Variants in ZCCHC14 observed in about 807,000 individuals in gnomAD.
The protein encoded by ZCCHC14 is zinc finger CCHC-type containing 14, also known as zinc finger CCHC domain-containing protein 14.
In ZCCHC14, 16 loss-of-function variants were observed where a neutral mutation model predicts 85.0. That is an observed-to-expected ratio of 0.19 (90% confidence interval 0.13 to 0.29). The LOEUF is 0.29. Ranked by LOEUF, ZCCHC14 falls within the 10% of genes least tolerant of loss-of-function variation. The probability of loss-of-function intolerance (pLI) is 1.00; values close to 1 mark genes in which losing one functional copy is unlikely to be tolerated. For synonymous variants in ZCCHC14, 775 were observed against 630.7 expected (o/e 1.23, Z -3.43); for missense variants, 1,303 against 1,443.5 (o/e 0.90, Z 1.58).
intron 8 of ZCCHC14, among the ~76,000 whole-genome samples, chr16:87,416,004 G>T (rs562482724): frequency 2.7e-4 from 41 of 152,200 alleles, no homozygotes; most frequent in Non-Finnish European, 4.3e-4. Flanking sequence ...TCGGCTCACT[G>T]CAACCTCCAC....
At chr16:87,463,206 A>AC (rs753791054) in intron 1 of ZCCHC14, among the ~76,000 whole-genome samples, 30 of 152,188 alleles carry the variant, frequency 2.0e-4, no homozygotes, top group South Asian at 8.3e-4. Flanking sequence ...ACATATTGAG[A>AC]CCCCCATCTC....
At position 87,411,820 on chromosome 16, in the gene ZCCHC14, C is replaced by T; in HGVS notation, c.2901G>A (p.Met967Ile). 6.2e-7 allele frequency: 1 copy of T among 1,611,600 alleles called. No homozygotes were observed. Among genetic ancestry groups the T allele is most frequent in the Non-Finnish European group, 8.5e-7 (1 of 1,179,118 alleles). ...FTFPFLPFSPMCSSGYVSAQQ... is the reference protein window; with the variant it reads ...FTFPFLPFSPICSSGYVSAQQ... ...GGGCGCTGACGTAGCCGCTGCTGCACATGGGACTGAAGGGCAAGAAGGGGA... is the reference window on the plus strand; with the variant it reads ...GGGCGCTGACGTAGCCGCTGCTGCATATGGGACTGAAGGGCAAGAAGGGGA... The change falls in exon 12 of 13, where the codon ATG (methionine) becomes ATA (isoleucine). Residue 967 changes from methionine to isoleucine, a missense_variant. By Grantham distance (10) the Met-to-Ile change is conservative (BLOSUM62 1). Transcript: ENST00000671377.
At chr16:87,437,337 CAAAAAAAAAAAAAAAA>C (rs34871367) in intron 2 of ZCCHC14, among the ~76,000 whole-genome samples, 2 of 57,762 alleles carry the variant, frequency 3.5e-5, no homozygotes, top group Admixed American at 2.2e-4. Context: ...AATTCCATCT[CAAAAAAAAAAAAAAAA>C]AAAAAAAAAA....
chr16:87,491,750 G>A lies in ZCCHC14; in HGVS notation c.489C>T (p.Ser163=), dbSNP rs757653796. The change falls in exon 1 of 13, where the codon AGC becomes AGT. Residue 163 remains serine, a synonymous_variant. Coordinates refer to ENST00000671377, the MANE Select transcript of ZCCHC14 (RefSeq NM_015144.3). The surrounding 1 kb of genome is among the most constrained non-coding windows in gnomAD (Gnocchi z 5.9). The part of the protein sequence containing the change: ...LRQELTQIQS[S]LNGGGGHGGK... The stretch of plus-strand genomic sequence containing the variant: ...CGCCGTGGCCCCCGCCGCCGTTCAG[G>A]CTGCTCTGGATCTGCGTGAGCTCCT... 8 of 1,582,426 alleles carry A rather than the reference G, an allele frequency of 5.1e-6. No homozygotes were observed. Among genetic ancestry groups the A allele is most frequent in the South Asian group, 2.3e-5 (2 of 87,330 alleles).
chr16:87,491,591 G>C lies in ZCCHC14; in HGVS notation c.570+78C>G, dbSNP rs1873235353. The C allele has an allele frequency of 7.7e-7, 1 of 1,290,712 alleles. No homozygotes were observed. The allele number at this position is 1,290,712 out of a possible 1,614,324, so 80.0% of individuals were successfully genotyped here. A position where few individuals can be genotyped will look rare whatever the true frequency, so the allele number is the denominator to read the frequency against. On this transcript the variant is annotated intron_variant, in intron 1 of 12. Coordinates refer to ENST00000671377, the MANE Select transcript of ZCCHC14 (RefSeq NM_015144.3). The surrounding 1 kb of genome is among the most constrained non-coding windows in gnomAD (Gnocchi z 5.9). ...TGGAGGCGTGGGTCGGGGGGTCGCGGTGCAGGCTGGAGGCTTGGAGTGCAG... is the reference window on the plus strand; with the variant it reads ...TGGAGGCGTGGGTCGGGGGGTCGCGCTGCAGGCTGGAGGCTTGGAGTGCAG...
chr16:87,417,347 C>T, intron 8 of ZCCHC14, 113 bp downstream of exon 8: 1 of 1,474,224 alleles, frequency 6.8e-7, no homozygotes, highest in Non-Finnish European at 9.2e-7. Context: ...GGCGCTGCGC[C>T]TCGGCCTCCG....
At chr16:87,433,040 G>A (rs1163974393) in intron 3 of ZCCHC14, 88 bp downstream of exon 3, 3 of 1,372,498 alleles carry the variant, frequency 2.2e-6, no homozygotes, top group Admixed American at 1.9e-5. Context: ...ACAAGGCACA[G>A]CCTTAGCTAG....
intron 2 of ZCCHC14, among the ~76,000 whole-genome samples, chr16:87,453,446 TCCC>T (rs1048232656): frequency 2.6e-5 from 4 of 152,154 alleles, no homozygotes; most frequent in African/African-American, 9.7e-5. Flanking sequence ...CCCTGTCAGT[TCCC>T]CCGTCAGTGC....
intron 1 of ZCCHC14, chr16:87,467,589 A>C: frequency 7.2e-7 from 1 of 1,398,086 alleles, no homozygotes; most frequent in South Asian, 1.2e-5. Flanking sequence ...AAATTGGAAT[A>C]GGTGTCAAGG....
chr16:87,472,892 T>C (rs939631064), intron 1 of ZCCHC14: 1 of 152,144 alleles, frequency 6.6e-6, no homozygotes, highest in African/African-American at 2.4e-5. Flanking sequence ...TTTTTATTTT[T>C]TGTACAGATG....
chr16:87,424,031 TG>T lies in ZCCHC14; in HGVS notation c.769-151del, dbSNP rs1286612334. The stretch of plus-strand genomic sequence containing the variant: ...CTGTGGGAAGCACCTAAGCATCCCT[TG>T]ACTTGTTACAGAAAGAAGAGTCACA... On this transcript the variant is annotated intron_variant, in intron 3 of 12. Transcript: ENST00000671377. 4 of 718,350 alleles carry T rather than the reference TG, an allele frequency of 5.6e-6. No individual in the cohort carries two copies. In the East Asian group the frequency reaches 1.1e-4, roughly 20 times the overall value. The allele number at this position is 718,350 out of a possible 1,614,324, so 44.5% of individuals were successfully genotyped here.
At chr16:87,461,828 T>C (rs1911273412) in intron 1 of ZCCHC14, among the ~76,000 whole-genome samples, 1 of 152,194 alleles carries the variant, frequency 6.6e-6, no homozygotes. Context: ...TGATCCCAGC[T>C]CTGTCAATGC....
intron 1 of ZCCHC14, among the ~76,000 whole-genome samples, chr16:87,469,337 CTG>C (rs1174905533): frequency 1.3e-5 from 2 of 152,232 alleles, no homozygotes; most frequent in African/African-American, 4.8e-5. Flanking sequence ...ACAAGAAAAA[CTG>C]AATGTCAGTT....
At chr16:87,434,222 A>C (rs938278257) in intron 2 of ZCCHC14, among the ~76,000 whole-genome samples, 1 of 152,242 alleles carries the variant, frequency 6.6e-6, no homozygotes, top group African/African-American at 2.4e-5. Flanking sequence ...ACTATTTTTA[A>C]ATGAGCCCAA....
intron 1 of ZCCHC14, among the ~76,000 whole-genome samples, chr16:87,478,749 G>A (rs1297121760): frequency 2.0e-5 from 3 of 152,046 alleles, no homozygotes; most frequent in African/African-American, 7.2e-5. Flanking sequence ...TGGGATAACA[G>A]GCGCCCGCCA....
Position 87,412,850 on chromosome 16 carries a change from G to C in ZCCHC14, c.1871C>G (p.Pro624Arg). ...CGGGGGCAGGGGGTGGTGGCCTGATGGATTGGAGCTGGCCTCATTCTGCAC... is the reference window on the plus strand; with the variant it reads ...CGGGGGCAGGGGGTGGTGGCCTGATCGATTGGAGCTGGCCTCATTCTGCAC... ...LPVQNEASSN[P>R]SGHHPLPPQM... The change falls in exon 12 of 13, where the codon CCA becomes CGA. Residue 624 changes from proline (P) to arginine (R), a missense_variant. Pro to Arg is a moderately radical substitution (Grantham distance 103). Around this residue, in one of 7 missense-constraint regions of ZCCHC14, gnomAD observed 797 missense variants for 730.8 expected, o/e 1.09. Coordinates refer to ENST00000671377, the MANE Select transcript of ZCCHC14 (RefSeq NM_015144.3). 6.2e-7 allele frequency: 1 copy of C among 1,608,964 alleles called. No homozygotes were observed. The highest frequency in any genetic ancestry group is 8.5e-7 in the Non-Finnish European group (1 of 1,177,082).
Position 87,420,690 on chromosome 16 carries a change from G to A in ZCCHC14, c.867C>T (p.Asn289=). ...CTAAGCAAGGAATGAGTTTCTCCAAGTTCTCTTCAGGATAGAGCTGACATA... is the reference window on the plus strand; with the variant it reads ...CTAAGCAAGGAATGAGTTTCTCCAAATTCTCTTCAGGATAGAGCTGACATA... ...SKLCQLYPEE[N]LEKLIPCLAG... The change falls in exon 5 of 13, where the codon AAC becomes AAT. Residue 289 remains asparagine (N), a synonymous_variant. Transcript: ENST00000671377. The surrounding 1 kb of genome is among the most constrained non-coding windows in gnomAD (Gnocchi z 5.0). 6.8e-6 allele frequency: 11 copies of A among 1,613,636 alleles called. No homozygotes were observed. The highest frequency in any genetic ancestry group is 8.5e-6 in the Non-Finnish European group (10 of 1,179,798).
In ZCCHC14 at chr16:87,407,711, T is replaced by C. The variant is rs1392760315; in HGVS notation, c.*2569A>G. On this transcript the variant is annotated 3_prime_UTR_variant, in exon 13 of 13. Transcript: ENST00000671377. Reference sequence around the variant, plus strand: ...CACAGCATTCTGAAACAGACCACACTTTCAGGAAAATGACTAAGTACTTGA... The same window carrying C: ...CACAGCATTCTGAAACAGACCACACCTTCAGGAAAATGACTAAGTACTTGA... 6.6e-6 allele frequency: 1 copy of C among 152,200 alleles called. No homozygotes were observed. Among genetic ancestry groups the C allele is most frequent in the East Asian group, 1.9e-4 (1 of 5,204 alleles). The allele number at this position is 152,200 out of a possible 1,614,324, so 9.4% of individuals were successfully genotyped here. A position where few individuals can be genotyped will look rare whatever the true frequency, so the allele number is the denominator to read the frequency against.
chr16:87,456,312 C>T (rs1050508397), intron 2 of ZCCHC14, among the ~76,000 whole-genome samples: 25 of 151,842 alleles, frequency 1.6e-4, no homozygotes, highest in African/African-American at 5.3e-4. Flanking sequence ...GGGCGGATCA[C>T]GAGGTCAGGA....
Sources: allele counts gnomAD v4.1 joint callset (sites outside exome capture counted in the v4.1 genomes callset), GRCh38; gene constraint gnomAD v4.1.1; regional missense constraint gnomAD v4.1.1; non-coding constraint Gnocchi (gnomAD v3.1); transcripts MANE v1.5; gene names NCBI Gene and HGNC (gene_info 2026-07-23, HGNC 2026-07-21).